XRCC1: variants seen among roughly 807,000 people sequenced by gnomAD.
XRCC1 encodes X-ray repair cross complementing 1, also known as DNA repair protein XRCC1.
XRCC1 carries 52 observed loss-of-function variants against 83.3 expected under a neutral mutation model. The ratio of observed to expected loss-of-function variants is 0.62; its 90% confidence interval spans 0.50 to 0.79. The LOEUF is 0.79. Among genes scored for constraint, XRCC1 ranks in the 30% least tolerant of loss-of-function variants. XRCC1 has a pLI of 0.00. For synonymous variants in XRCC1, 281 were observed against 312.6 expected (o/e 0.90, Z 1.07); for missense variants, 793 against 823.5 (o/e 0.96, Z 0.45).
chr19:43,548,049 G>GGGCCAGCCCCCCCCC (rs543968194), intron 10 of XRCC1, among the ~76,000 whole-genome samples: 2 of 118,902 alleles, frequency 1.7e-5, no homozygotes, highest in East Asian at 4.4e-4. Context: ...GGGAGGTGGG[G>GGGCCAGCCCCCCCCC]GGCCAGCCGC....
At chr19:43,563,332 T>C (rs1386159838) in intron 2 of XRCC1, among the ~76,000 whole-genome samples, 1 of 152,036 alleles carries the variant, frequency 6.6e-6, no homozygotes, top group Non-Finnish European at 1.5e-5. Flanking sequence ...ACTAAAAATA[T>C]GAAAATTAAA....
At chr19:43,575,116 C>T in intron 1 of XRCC1, 114 bp from the exon 2 acceptor site, 1 of 896,740 alleles carries the variant, frequency 1.1e-6, no homozygotes, top group Non-Finnish European at 1.8e-6. Flanking sequence ...CAGATTTAAG[C>T]TCTCCCGTTA....
intron 15 of XRCC1, 85 bp downstream of exon 15, chr19:43,544,059 C>A: frequency 7.6e-7 from 1 of 1,309,046 alleles, no homozygotes; most frequent in Non-Finnish European, 1.1e-6. Context: ...GGTCTTCTTT[C>A]CCACACCCCC....
At chr19:43,569,321 C>T (rs1359062605) in intron 2 of XRCC1, among the ~76,000 whole-genome samples, 1 of 151,760 alleles carries the variant, frequency 6.6e-6, no homozygotes, top group East Asian at 1.9e-4. Context: ...AAAAAAAATA[C>T]AAAAATTAGA....
At chr19:43,575,288 C>A in intron 1 of XRCC1, 120 bp downstream of exon 1, 1 of 1,155,744 alleles carries the variant, frequency 8.7e-7, no homozygotes, top group Non-Finnish European at 1.2e-6. Context: ...TCACTTTTAG[C>A]CTCCTGGAAA....
At chr19:43,555,048 G>A in intron 3 of XRCC1, 1 of 349,356 alleles carries the variant, frequency 2.9e-6, no homozygotes, top group Admixed American at 4.6e-5. Context: ...ATTCTCCCAT[G>A]GAGTCTTCCA....
At position 43,552,201 on chromosome 19, in the gene XRCC1, G is replaced by A. The variant is rs750638455; in HGVS notation, c.898C>T (p.Arg300Ter). The A allele has an allele frequency of 2.5e-5, 41 of 1,613,776 alleles. No homozygotes were observed. Among genetic ancestry groups the A allele is most frequent in the East Asian group, 4.5e-5 (2 of 44,872 alleles). ...RAQGAVTGKP[R>*]GEGTEPRRPR... The stretch of plus-strand genomic sequence containing the variant: ...CGTCTGGGCTCGGTGCCTTCTCCTC[G>A]GGGTTTGCCTGTCACTGCCCCCTGT... The change falls in exon 9 of 17, where the codon CGA becomes TGA. Residue 300 changes from arginine to a stop codon, truncating the protein, a stop_gained. Coordinates refer to ENST00000262887, the MANE Select transcript of XRCC1 (RefSeq NM_006297.3). LOFTEE classifies it high-confidence loss of function.
chr19:43,552,051 G>C lies in XRCC1; in HGVS notation c.1048C>G (p.Arg350Gly). The C allele has an allele frequency of 6.2e-7, 1 of 1,614,084 alleles. No homozygotes were observed. The highest frequency in any genetic ancestry group is 2.2e-5 in the East Asian group (1 of 44,880). ...DKALELGAKY[R>G]PDWTRDSTHL... Reference sequence around the variant, plus strand: ...GTGCTGTCCCGGGTCCAGTCTGGCCGATACTTGGCCCCAAGCTCTAGGGCC... The same window carrying C: ...GTGCTGTCCCGGGTCCAGTCTGGCCCATACTTGGCCCCAAGCTCTAGGGCC... The change falls in exon 9 of 17, where the codon CGG (arginine) becomes GGG (glycine). Residue 350 changes from arginine to glycine, a missense_variant. Physicochemically the swap from Arg to Gly is moderately radical, Grantham distance 125. Coordinates refer to ENST00000262887, the MANE Select transcript of XRCC1 (RefSeq NM_006297.3).
chr19:43,553,369 A>G (rs752354978), intron 6 of XRCC1, 32 bp downstream of exon 6: 10 of 1,607,250 alleles, frequency 6.2e-6, no homozygotes, highest in East Asian at 2.2e-5. Context: ...TCTCAACCCT[A>G]CTCACTCAGG....
intron 10 of XRCC1, among the ~76,000 whole-genome samples, chr19:43,549,057 G>C (rs1425163073): frequency 6.6e-6 from 1 of 152,190 alleles, no homozygotes; most frequent in East Asian, 1.9e-4. Context: ...GTGAAATGCT[G>C]TTTAGGTAAG....
chr19:43,550,942 C>A (rs1031717802), intron 10 of XRCC1, among the ~76,000 whole-genome samples: 6 of 152,138 alleles, frequency 3.9e-5, no homozygotes, highest in African/African-American at 1.4e-4. Flanking sequence ...ACATTCCAGC[C>A]TGGCACCAAG....
In XRCC1 at chr19:43,572,927, C is replaced by CTTTTTT. The variant is rs1015971628; in HGVS notation, c.144+1977_144+1982dup. Among the ~76,000 whole-genome samples, 371 of 91,084 alleles carry CTTTTTT rather than the reference C, an allele frequency of 4.1e-3. 7 individuals carry two copies. Among genetic ancestry groups the CTTTTTT allele is most frequent in the Middle Eastern group, 0.01 (1 of 98 alleles). The allele number at this position is 91,084 out of a possible 152,430, so 59.8% of individuals were successfully genotyped here. ...AATCATCCTAAAACTGAGATCTTTT[C>CTTTTTT]TTTTTTTTTTTTTTTTTTTTTTTGA... On this transcript the variant is annotated intron_variant, in intron 2 of 16. Transcript: ENST00000262887.
intron 10 of XRCC1, among the ~76,000 whole-genome samples, chr19:43,548,481 C>T (rs566521346): frequency 4.1e-4 from 63 of 152,208 alleles, no homozygotes; most frequent in Non-Finnish European, 5.7e-4. Context: ...ACCCTCAACC[C>T]TGTGCTCTCT....
chr19:43,553,148 C>G (rs188761631), intron 6 of XRCC1, 57 bp from the exon 7 acceptor site: 2 of 1,497,336 alleles, frequency 1.3e-6, no homozygotes, highest in African/African-American at 2.8e-5. Flanking sequence ...GACCCTTTCA[C>G]TCCTATCTAT....
chr19:43,571,769 G>A (rs1972808423), intron 2 of XRCC1, among the ~76,000 whole-genome samples: 1 of 152,214 alleles, frequency 6.6e-6, no homozygotes, highest in Non-Finnish European at 1.5e-5. Flanking sequence ...TTATAGGCGT[G>A]AGCTTACTGC....
chr19:43,566,864 G>A (rs1417861696), intron 2 of XRCC1, among the ~76,000 whole-genome samples: 1 of 102,722 alleles, frequency 9.7e-6, no homozygotes, highest in Non-Finnish European at 1.8e-5. Context: ...GGGCAACAGA[G>A]CAAGACTCAA....
At chr19:43,548,944 G>A (rs975012207) in intron 10 of XRCC1, among the ~76,000 whole-genome samples, 5 of 152,046 alleles carry the variant, frequency 3.3e-5, no homozygotes, top group African/African-American at 4.8e-5. Flanking sequence ...TCTGCCCTAA[G>A]CCACAGGGAA....
At chr19:43,571,297 T>C (rs1820781723) in intron 2 of XRCC1, among the ~76,000 whole-genome samples, 1 of 152,186 alleles carries the variant, frequency 6.6e-6, no homozygotes, top group Admixed American at 6.5e-5. Context: ...GATACATACA[T>C]AGCTCATGTT....
Position 43,546,769 on chromosome 19 carries a change from G to A in XRCC1, c.1294-42C>T, listed in dbSNP as rs202241501. On this transcript the variant is annotated intron_variant, in intron 11 of 16. Coordinates refer to ENST00000262887, the MANE Select transcript of XRCC1 (RefSeq NM_006297.3). ...GGTGGGTGAGGAGGGCAGGAACAGT[G>A]TGGGTGTGTTGGGGGGGTACCTGCA... 2.1e-5 allele frequency: 34 copies of A among 1,597,516 alleles called. No individual in the cohort carries two copies. In the East Asian group the frequency reaches 6.7e-4, roughly 32 times the overall value.
Sources: gnomAD v4.1 joint callset for allele counts (sites outside exome capture counted in the v4.1 genomes callset) on GRCh38, gnomAD v4.1.1 for gene constraint, MANE v1.5 for transcripts, NCBI Gene and HGNC (gene_info 2026-07-23, HGNC 2026-07-21) for gene names.